MAGI2: variants seen among roughly 807,000 people sequenced by gnomAD.
MAGI2 encodes membrane associated guanylate kinase, WW and PDZ domain containing 2, also known as membrane-associated guanylate kinase, WW and PDZ domain-containing protein 2.
MAGI2 carries 35 observed loss-of-function variants against 133.3 expected under a neutral mutation model. That is an observed-to-expected ratio of 0.26 (90% CI 0.20 to 0.35). The LOEUF is 0.35. MAGI2 is among the 10% of genes least tolerant of loss of function. MAGI2 has a pLI of 1.00. For missense variants in MAGI2, 1,636 were observed against 1,863.4 expected, an observed-to-expected ratio of 0.88 and a Z score of 2.25; for synonymous variants, 729 against 710.6, an observed-to-expected ratio of 1.03 and a Z score of -0.41.
At chr7:78,607,268 G>T (rs572342566) in intron 3 of MAGI2, among the ~76,000 whole-genome samples, 7 of 152,008 alleles carry the variant, frequency 4.6e-5, no homozygotes, top group Non-Finnish European at 1.0e-4. Flanking sequence ...TCACCCAATC[G>T]CAGATAATCA....
intron 3 of MAGI2, among the ~76,000 whole-genome samples, chr7:78,550,109 A>T (rs1799209373): frequency 6.6e-6 from 1 of 152,208 alleles, no homozygotes; most frequent in South Asian, 2.1e-4. Context: ...GCAGACCCTT[A>T]GCAGATACCC....
intron 1 of MAGI2, among the ~76,000 whole-genome samples, chr7:79,107,511 T>C (rs1342675586): frequency 6.6e-6 from 1 of 152,222 alleles, no homozygotes. Context: ...GAGATAGATC[T>C]GTGATGCACA....
chr7:78,822,749 A>G (rs190556092), intron 2 of MAGI2, among the ~76,000 whole-genome samples: 1 of 152,188 alleles, frequency 6.6e-6, no homozygotes, highest in Non-Finnish European at 1.5e-5. Flanking sequence ...TTCAGTGAAC[A>G]AGAACAAAAG....
chr7:78,513,773 C>T (rs538101759), intron 4 of MAGI2, among the ~76,000 whole-genome samples: 1 of 152,170 alleles, frequency 6.6e-6, no homozygotes, highest in South Asian at 2.1e-4. Context: ...AGGTTGAGTG[C>T]ATGCAATGCT....
intron 1 of MAGI2, among the ~76,000 whole-genome samples, chr7:79,083,849 C>T (rs552194868): frequency 1.3e-5 from 2 of 151,684 alleles, no homozygotes; most frequent in South Asian, 4.1e-4. Flanking sequence ...AGTCTATTTA[C>T]TCATTAATAG....
At chr7:78,886,736 C>A (rs1343205043) in intron 2 of MAGI2, among the ~76,000 whole-genome samples, 1 of 152,092 alleles carries the variant, frequency 6.6e-6, no homozygotes, top group African/African-American at 2.4e-5. Context: ...TCCTGACTTC[C>A]ACTTTCTCAT....
intron 6 of MAGI2, among the ~76,000 whole-genome samples, chr7:78,465,437 C>A (rs2151523138): frequency 6.6e-6 from 1 of 152,270 alleles, no homozygotes; most frequent in Admixed American, 6.5e-5. Flanking sequence ...GTACTATTAA[C>A]ACGTGCATTT....
At chr7:78,073,881 T>C (rs2151172288) in intron 21 of MAGI2, among the ~76,000 whole-genome samples, 1 of 152,310 alleles carries the variant, frequency 6.6e-6, no homozygotes, top group African/African-American at 2.4e-5. Flanking sequence ...TTGATGCATC[T>C]TCTGATTCTC....
intron 1 of MAGI2, among the ~76,000 whole-genome samples, chr7:79,333,643 A>G (rs1416823097): frequency 6.6e-6 from 1 of 152,194 alleles, no homozygotes; most frequent in African/African-American, 2.4e-5. Context: ...CTTTTTTAAA[A>G]AACTTTCAAA....
At chr7:79,084,530 G>C (rs1349438038) in intron 1 of MAGI2, among the ~76,000 whole-genome samples, 1 of 151,630 alleles carries the variant, frequency 6.6e-6, no homozygotes, top group East Asian at 1.9e-4. Flanking sequence ...AATGACTTCA[G>C]TTTTTCAATG....
chr7:79,035,150 A>G (rs2116850079), intron 1 of MAGI2, among the ~76,000 whole-genome samples: 1 of 150,660 alleles, frequency 6.6e-6, no homozygotes, highest in East Asian at 2.0e-4. Context: ...CTTTCCAAAC[A>G]CATGACTATT....
At chr7:79,377,187 T>C (rs764743551) in intron 1 of MAGI2, among the ~76,000 whole-genome samples, 2 of 151,856 alleles carry the variant, frequency 1.3e-5, no homozygotes, top group Non-Finnish European at 2.9e-5. Context: ...ATGGGAGTTA[T>C]TTCATCCTCT....
At chr7:78,209,163 A>G (rs1349043085) in intron 10 of MAGI2, among the ~76,000 whole-genome samples, 4 of 50,658 alleles carry the variant, frequency 7.9e-5, no homozygotes, top group Non-Finnish European at 1.3e-4. Flanking sequence ...CGGAGCTTGC[A>G]GTGAGCTGAG....
intron 2 of MAGI2, among the ~76,000 whole-genome samples, chr7:78,775,222 C>T (rs779447277): frequency 1.8e-4 from 27 of 146,102 alleles, no homozygotes; most frequent in Middle Eastern, 3.6e-3. Flanking sequence ...CTGAGGCAGG[C>T]GAATGGTGTG....
chr7:79,132,628 A>C (rs1026048313), intron 1 of MAGI2, among the ~76,000 whole-genome samples: 2 of 152,030 alleles, frequency 1.3e-5, no homozygotes, highest in Admixed American at 1.3e-4. Context: ...TTTTTTGTAT[A>C]ATAACTTCTT....
chr7:78,710,183 C>A (rs140266359), intron 2 of MAGI2, among the ~76,000 whole-genome samples: 1 of 152,218 alleles, frequency 6.6e-6, no homozygotes, highest in Admixed American at 6.5e-5. Context: ...TTATAGCAGA[C>A]AAGATTACAC....
intron 20 of MAGI2, among the ~76,000 whole-genome samples, chr7:78,119,148 G>T (rs1299859816): frequency 6.6e-6 from 1 of 152,200 alleles, no homozygotes; most frequent in Non-Finnish European, 1.5e-5. Flanking sequence ...GTTGCCAGGG[G>T]TTAGTGGGGA....
intron 9 of MAGI2, among the ~76,000 whole-genome samples, chr7:78,274,722 C>T (rs964950036): frequency 6.6e-6 from 1 of 152,098 alleles, no homozygotes; most frequent in African/African-American, 2.4e-5. Flanking sequence ...TACTTCATGG[C>T]AGCTTTATGT....
intron 1 of MAGI2, among the ~76,000 whole-genome samples, chr7:79,273,793 C>T (rs1393330379): frequency 1.3e-5 from 2 of 151,988 alleles, no homozygotes; most frequent in African/African-American, 4.8e-5. Context: ...CACTGTTCCC[C>T]TTATGCAAAG....
Sources: gnomAD v4.1 joint callset for allele counts (sites outside exome capture counted in the v4.1 genomes callset) on GRCh38, gnomAD v4.1.1 for gene constraint, MANE v1.5 for transcripts, NCBI Gene and HGNC (gene_info 2026-07-23, HGNC 2026-07-21) for gene names.